Variants in COBLL1 observed in about 807,000 individuals in gnomAD.
The protein encoded by COBLL1 is cordon-bleu protein-like 1.
A neutral mutation model predicts 94.8 loss-of-function variants in COBLL1; 50 were observed. The ratio of observed to expected loss-of-function variants is 0.53; its 90% CI spans 0.42 to 0.67. The LOEUF is 0.67. COBLL1 is among the 30% of genes least tolerant of loss of function. The probability of loss-of-function intolerance (pLI) is 0.00; values close to 1 mark genes in which losing one functional copy is unlikely to be tolerated. For missense variants in COBLL1, 1,362 were observed against 1,348.7 expected, an observed-to-expected ratio of 1.01 and a Z score of -0.15; for synonymous variants, 448 against 473.8, an observed-to-expected ratio of 0.95 and a Z score of 0.71.
chr2:164,761,516 A>T (rs1303929694), intron 2 of COBLL1: 1 of 152,148 alleles, frequency 6.6e-6, no homozygotes, highest in Non-Finnish European at 1.5e-5. Context: ...CAGAAGTGAA[A>T]ACACTGACAT....
At chr2:164,716,277 T>G (rs2105484063) in intron 7 of COBLL1, among the ~76,000 whole-genome samples, 1 of 152,310 alleles carries the variant, frequency 6.6e-6, no homozygotes, top group East Asian at 1.9e-4. Flanking sequence ...TGTGTACATT[T>G]TATATAAGAA....
intron 2 of COBLL1, among the ~76,000 whole-genome samples, chr2:164,832,659 C>T (rs1331007689): frequency 2.0e-5 from 3 of 152,148 alleles, no homozygotes; most frequent in Non-Finnish European, 4.4e-5. Context: ...GAAGTCATTA[C>T]AAAAGAAAAC....
At chr2:164,771,452 G>C (rs1688199373) in intron 2 of COBLL1, among the ~76,000 whole-genome samples, 1 of 151,918 alleles carries the variant, frequency 6.6e-6, no homozygotes, top group Non-Finnish European at 1.5e-5. Context: ...AGCATGATTA[G>C]AGTACCCCTA....
At position 164,832,383 on chromosome 2, in the gene COBLL1, G is replaced by A. The variant is rs569852743; in HGVS notation, c.41+8773C>T. Among the ~76,000 whole-genome samples, 7 of 152,172 alleles carry A rather than the reference G, an allele frequency of 4.6e-5. No individual in the cohort carries two copies. The South Asian group carries it at 1.5e-3, about 32-fold the overall frequency. On this transcript the variant is annotated intron_variant, in intron 2 of 13. Transcript: ENST00000652658. ...TAATCCCTCAAATTAATCACACTGA[G>A]AAACAATGTAATTTTTCTAATGATT...
chr2:164,667,419 AG>A (rs1480402599), intron 1 of COBLL1, among the ~76,000 whole-genome samples: 1 of 152,222 alleles, frequency 6.6e-6, no homozygotes, highest in African/African-American at 2.4e-5. Context: ...TGTTCACTGA[AG>A]CTTTGAAGCC....
intron 12 of COBLL1, among the ~76,000 whole-genome samples, chr2:164,693,224 G>A (rs1028314551): frequency 6.6e-6 from 1 of 152,010 alleles, no homozygotes; most frequent in African/African-American, 2.4e-5. Context: ...AAAATCACAG[G>A]CTTTGTGCCC....
intron 2 of COBLL1, among the ~76,000 whole-genome samples, chr2:164,768,882 A>C (rs893078926): frequency 2.0e-5 from 3 of 152,202 alleles, no homozygotes; most frequent in African/African-American, 7.2e-5. Flanking sequence ...TAAGCAAAGA[A>C]ATCTGTTTAC....
intron 9 of COBLL1, chr2:164,703,148 A>G: frequency 6.2e-7 from 1 of 1,613,932 alleles, no homozygotes; most frequent in Non-Finnish European, 8.5e-7. Flanking sequence ...AGGGCACTCA[A>G]AGACAGAGGT....
At chr2:164,824,262 TC>T (rs1685324211) in intron 2 of COBLL1, among the ~76,000 whole-genome samples, 1 of 151,892 alleles carries the variant, frequency 6.6e-6, no homozygotes, top group Non-Finnish European at 1.5e-5. Context: ...ATGCCTGTAA[TC>T]CCAGCTACTT....
intron 5 of COBLL1, chr2:164,725,077 A>G (rs1685646132): frequency 7.0e-6 from 1 of 142,478 alleles, no homozygotes; most frequent in African/African-American, 2.5e-5. Flanking sequence ...TTCTCATTGG[A>G]AGATGCTAGC....
intron 2 of COBLL1, among the ~76,000 whole-genome samples, chr2:164,822,922 C>A (rs1049571958): frequency 3.9e-5 from 6 of 152,058 alleles, no homozygotes; most frequent in Non-Finnish European, 7.4e-5. Flanking sequence ...GCATGCACCA[C>A]CACACCTGGC....
At chr2:164,701,856 AT>A (rs1433526857) in intron 9 of COBLL1, among the ~76,000 whole-genome samples, 1 of 132,318 alleles carries the variant, frequency 7.6e-6, no homozygotes, top group East Asian at 2.6e-4. Context: ...CAGTATCTGA[AT>A]GAAATTTAAT....
At chr2:164,674,608 A>C (rs1317864455) in intron 1 of COBLL1, among the ~76,000 whole-genome samples, 1 of 152,180 alleles carries the variant, frequency 6.6e-6, no homozygotes, top group East Asian at 1.9e-4. Context: ...TTAGATGAAG[A>C]TATGGTAAGG....
At chr2:164,765,094 G>C (rs1351227463) in intron 2 of COBLL1, among the ~76,000 whole-genome samples, 1 of 152,114 alleles carries the variant, frequency 6.6e-6, no homozygotes. Flanking sequence ...CATGAGGTGA[G>C]AATTTAACTG....
At chr2:164,805,331 C>CATATATATATA (rs1684059136) in intron 2 of COBLL1, among the ~76,000 whole-genome samples, 6 of 21,300 alleles carry the variant, frequency 2.8e-4, no homozygotes, top group Admixed American at 8.4e-4. Flanking sequence ...CTCTCTCTCT[C>CATATATATATA]TCTCTCTATA....
chr2:164,759,017 T>A (rs1395763469), intron 2 of COBLL1, among the ~76,000 whole-genome samples: 1 of 152,074 alleles, frequency 6.6e-6, no homozygotes, highest in East Asian at 1.9e-4. Context: ...ATGTGAGAGT[T>A]ATAATTATTA....
chr2:164,799,303 C>T (rs1683642346), intron 2 of COBLL1, among the ~76,000 whole-genome samples: 1 of 152,080 alleles, frequency 6.6e-6, no homozygotes, highest in African/African-American at 2.4e-5. Context: ...GAGGGAGTTG[C>T]CCTTTTTTTA....
chr2:164,713,269 G>A (rs3769877), intron 7 of COBLL1, among the ~76,000 whole-genome samples: 133,507 of 152,130 alleles, frequency 0.88, 59,071 homozygotes, highest in African/African-American at 0.95. Flanking sequence ...TATAACATCA[G>A]AGTGAAGGGG....
chr2:164,670,938 G>C (rs1008130528), intron 1 of COBLL1, among the ~76,000 whole-genome samples: 4 of 152,220 alleles, frequency 2.6e-5, no homozygotes, highest in Non-Finnish European at 4.4e-5. Flanking sequence ...AGTCCTGGGT[G>C]CTTTCACCAG....
Sources: allele counts gnomAD v4.1 joint callset (sites outside exome capture counted in the v4.1 genomes callset), GRCh38; gene constraint gnomAD v4.1.1; transcripts MANE v1.5; gene names NCBI Gene and HGNC (gene_info 2026-07-23, HGNC 2026-07-21).